Variants in PCSK6 observed in about 807,000 individuals in gnomAD.
The protein encoded by PCSK6 is proprotein convertase subtilisin/kexin type 6.
Under a neutral mutation model 123.3 loss-of-function variants are expected in PCSK6, and 85 were observed. That is an observed-to-expected ratio of 0.69 (90% CI 0.58 to 0.83). The LOEUF (loss-of-function observed/expected upper bound fraction) is 0.83. Among genes scored for constraint, PCSK6 ranks in the 40% least tolerant of loss-of-function variants. The pLI, the probability that PCSK6 is intolerant of heterozygous loss-of-function variation, is 0.00. For synonymous variants in PCSK6, 508 were observed against 516.0 expected, an observed-to-expected ratio of 0.98 and a Z score of 0.21; for missense variants, 1,191 against 1,282.3, an observed-to-expected ratio of 0.93 and a Z score of 1.09.
intron 1 of PCSK6, among the ~76,000 whole-genome samples, chr15:101,478,226 T>A (rs1030349529): frequency 3.3e-5 from 5 of 152,158 alleles, no homozygotes; most frequent in African/African-American, 1.2e-4. Flanking sequence ...CTCAGTTTGC[T>A]CATCTGTGTA....
Position 101,331,793 on chromosome 15 carries a change from A to G in PCSK6, c.2038+59T>C, listed in dbSNP as rs577196261. On this transcript the variant is annotated intron_variant, in intron 14 of 21. Coordinates refer to ENST00000611716, the MANE Select transcript of PCSK6 (RefSeq NM_002570.5). ...GGAGCAGCCCTACATTTTAAGAGCT[A>G]CTCTGGACAATCAAAGCTCGTGGAA... The G allele has an allele frequency of 2.5e-6, 4 of 1,601,980 alleles. No homozygotes were observed. The South Asian group carries it at 3.3e-5, about 13-fold the overall frequency.
At position 101,305,425 on chromosome 15, in the gene PCSK6, A is replaced by T; in HGVS notation, c.2813-70T>A. ...TTCGGTGCCTGTGAAGATTGTTTCA[A>T]GGCCGGGCGCGGTGCCTCATGCCTG... is the stretch of plus-strand genomic sequence containing the variant. On this transcript the variant is annotated intron_variant, in intron 21 of 21. Transcript: ENST00000611716. The surrounding 1 kb of genome is among the most constrained non-coding windows in gnomAD (Gnocchi z 4.8). 2 of 1,355,140 alleles carry T rather than the reference A, an allele frequency of 1.5e-6. No individual in the cohort carries two copies. The highest frequency in any genetic ancestry group is 1.9e-5 in the Admixed American group (1 of 52,884). The allele number at this position is 1,355,140 out of a possible 1,614,324, so 83.9% of individuals were successfully genotyped here.
intron 13 of PCSK6, among the ~76,000 whole-genome samples, chr15:101,343,875 A>T (rs1399783632): frequency 6.6e-6 from 1 of 152,098 alleles, no homozygotes; most frequent in Non-Finnish European, 1.5e-5. Flanking sequence ...CAGATCACGG[A>T]TCAGGAGTTC....
intron 17 of PCSK6, 138 bp from the exon 18 acceptor site, chr15:101,322,745 A>T (rs2141355018): frequency 1.6e-6 from 1 of 636,428 alleles, no homozygotes; most frequent in Non-Finnish European, 2.8e-6. Context: ...ATGGGTGGAA[A>T]TAAAGCAGCC....
Position 101,489,672 on chromosome 15 carries a change from G to C in PCSK6, c.-2C>G, listed in dbSNP as rs1417779743. 2.1e-6 allele frequency: 2 copies of C among 975,284 alleles called. No homozygotes were observed. The highest frequency in any genetic ancestry group is 2.4e-6 in the Non-Finnish European group (2 of 823,860). 60.4% of individuals were successfully genotyped at this position (975,284 alleles called of 1,614,324 possible). A position where few individuals can be genotyped will look rare whatever the true frequency, so the allele number is the denominator to read the frequency against. ...CGCAGGCGGCGCGCGCGGAGGCATAGCGGCGACAGGCTCGCGCGGCGCCCG... is the reference window on the plus strand; with the variant it reads ...CGCAGGCGGCGCGCGCGGAGGCATACCGGCGACAGGCTCGCGCGGCGCCCG... On this transcript the variant is annotated 5_prime_UTR_variant, in exon 1 of 22. Transcript: ENST00000611716.
At chr15:101,431,821 AGGAAAGCC>A (rs1279570861) in intron 3 of PCSK6, among the ~76,000 whole-genome samples, 161 bp downstream of exon 3, 4 of 152,212 alleles carry the variant, frequency 2.6e-5, no homozygotes, top group African/African-American at 9.7e-5. Flanking sequence ...AAAAATCCAC[AGGAAAGCC>A]GGTACTGCAC....
chr15:101,323,830 C>T (rs192858730), intron 17 of PCSK6, among the ~76,000 whole-genome samples: 177 of 152,058 alleles, frequency 1.2e-3, no homozygotes, highest in African/African-American at 4.1e-3. Context: ...AGTGCCATGA[C>T]AGGCCGGATC....
intron 1 of PCSK6, among the ~76,000 whole-genome samples, chr15:101,474,407 C>T (rs1484249461): frequency 5.3e-5 from 8 of 152,164 alleles, no homozygotes; most frequent in Non-Finnish European, 8.8e-5. Flanking sequence ...CTAAAACTGG[C>T]GCCACGGCGG....
At chr15:101,479,945 G>C (rs1345426697) in intron 1 of PCSK6, among the ~76,000 whole-genome samples, 3 of 152,254 alleles carry the variant, frequency 2.0e-5, no homozygotes, top group Non-Finnish European at 4.4e-5. Context: ...CTGTCCGCCT[G>C]TGGCAAGCCC....
At chr15:101,423,259 A>ATT (rs35566551) in intron 6 of PCSK6, among the ~76,000 whole-genome samples, 4 of 139,780 alleles carry the variant, frequency 2.9e-5, no homozygotes, top group Admixed American at 7.1e-5. Context: ...AAATATCTGA[A>ATT]TTTTTTTTTT....
chr15:101,320,605 C>T (rs923056912), intron 18 of PCSK6, among the ~76,000 whole-genome samples: 1 of 152,196 alleles, frequency 6.6e-6, no homozygotes, highest in African/African-American at 2.4e-5. Flanking sequence ...GACACCCACC[C>T]GGCGCCCTTC....
chr15:101,427,665 A>G (rs1471285159), intron 6 of PCSK6, among the ~76,000 whole-genome samples: 1 of 152,224 alleles, frequency 6.6e-6, no homozygotes, highest in Non-Finnish European at 1.5e-5. Flanking sequence ...GGGAACTGCA[A>G]TGGCTTTTCA....
intron 6 of PCSK6, among the ~76,000 whole-genome samples, chr15:101,422,619 G>A (rs1204595860): frequency 7.3e-6 from 1 of 136,886 alleles, no homozygotes; most frequent in African/African-American, 3.0e-5. Flanking sequence ...CTGCTAGAAC[G>A]AAACTTTTTT....
At position 101,489,583 on chromosome 15, in the gene PCSK6, CG is replaced by C; in HGVS notation, c.87del (p.Ala30ArgfsTer91). 1.0e-6 allele frequency: 1 copy of C among 975,598 alleles called. No homozygotes were observed. The highest frequency in any genetic ancestry group is 4.7e-5 in the South Asian group (1 of 21,200). The allele number at this position is 975,598 out of a possible 1,614,324, so 60.4% of individuals were successfully genotyped here. A position where few individuals can be genotyped will look rare whatever the true frequency, so the allele number is the denominator to read the frequency against. ...CCGCCGGCGCCCCCCGCGCCCCCCG[CG>C]CCCCCCGCGCCCGCGGCGGTGTCGG... The part of the protein sequence containing the change: ...AATDTAAGAG[G>X]AGGAGGAGGP... On this transcript the variant is annotated frameshift_variant, in exon 1 of 22. Transcript: ENST00000611716. LOFTEE classifies it high-confidence loss of function.
Position 101,314,106 on chromosome 15 carries a change from G to A in PCSK6, c.2570-601C>T, listed in dbSNP as rs187627940. The stretch of plus-strand genomic sequence containing the variant: ...AGATCTTTGGGAATGGTGTTGACAG[G>A]TGTTTGGTGTGTACAGCCAGGGCGT... On this transcript the variant is annotated intron_variant, in intron 19 of 21. Transcript: ENST00000611716. Among the ~76,000 whole-genome samples, 505 of 152,306 alleles carry A rather than the reference G, an allele frequency of 3.3e-3. 3 individuals are homozygous for A. The highest frequency in any genetic ancestry group is 4.3e-3 in the Non-Finnish European group (292 of 68,024).
intron 6 of PCSK6, among the ~76,000 whole-genome samples, chr15:101,421,028 C>T (rs1460442440): frequency 6.6e-6 from 1 of 152,206 alleles, no homozygotes; most frequent in Non-Finnish European, 1.5e-5. Flanking sequence ...CTCACTGAAA[C>T]CTCCACCTTA....
intron 2 of PCSK6, among the ~76,000 whole-genome samples, chr15:101,433,494 C>T (rs535892357): frequency 1.6e-4 from 25 of 152,258 alleles, no homozygotes; most frequent in East Asian, 9.7e-4. Context: ...TAAGGATGGG[C>T]GCCAGGGCCG....
intron 6 of PCSK6, among the ~76,000 whole-genome samples, chr15:101,402,854 A>T (rs1266595580): frequency 1.3e-3 from 193 of 150,502 alleles, no homozygotes; most frequent in African/African-American, 2.8e-3. Context: ...ATTGTGGAAG[A>T]CAGTGTGGCG....
chr15:101,328,148 C>T (rs987702072), intron 15 of PCSK6, among the ~76,000 whole-genome samples: 2 of 152,216 alleles, frequency 1.3e-5, no homozygotes, highest in African/African-American at 4.8e-5. Context: ...ACTGGGCTCT[C>T]GCCTTCCCAC....
Sources: allele counts gnomAD v4.1 joint callset (sites outside exome capture counted in the v4.1 genomes callset), GRCh38; gene constraint gnomAD v4.1.1; non-coding constraint Gnocchi (gnomAD v3.1); transcripts MANE v1.5; gene names NCBI Gene and HGNC (gene_info 2026-07-23, HGNC 2026-07-21).